ULK4: variants seen among roughly 807,000 people sequenced by gnomAD.
ULK4 encodes unc-51 like kinase 4.
In ULK4, 133 loss-of-function variants were observed where a neutral mutation model predicts 160.6. The observed-to-expected ratio is 0.83, with a 90% CI of 0.72 to 0.96. ULK4 has a LOEUF of 0.96. Among genes scored for constraint, ULK4 ranks in the 40% least tolerant of loss-of-function variants. ULK4 has a pLI of 0.00. For missense variants in ULK4, 1,580 were observed against 1,499.5 expected (o/e 1.05, Z -0.89); for synonymous variants, 534 against 539.8 (o/e 0.99, Z 0.15).
At chr3:41,953,577 T>C (rs935847458) in intron 2 of ULK4, among the ~76,000 whole-genome samples, 13 of 151,654 alleles carry the variant, frequency 8.6e-5, no homozygotes, top group African/African-American at 2.9e-4. Flanking sequence ...CTTAAAAATA[T>C]ATATATTTTT....
intron 34 of ULK4, among the ~76,000 whole-genome samples, chr3:41,447,015 T>C (rs572094657): frequency 1.4e-3 from 168 of 120,090 alleles, no homozygotes; most frequent in Middle Eastern, 6.6e-3. Flanking sequence ...ACCCGGGAGG[T>C]GGAGGTTGCA....
intron 32 of ULK4, among the ~76,000 whole-genome samples, chr3:41,499,061 G>A (rs549377203): frequency 1.3e-5 from 2 of 152,182 alleles, no homozygotes; most frequent in South Asian, 2.1e-4. Context: ...AGTGAAAAAA[G>A]GCCAGATGCA....
At chr3:41,626,876 TGG>T (rs757593049) in intron 30 of ULK4, among the ~76,000 whole-genome samples, 1 of 152,148 alleles carries the variant, frequency 6.6e-6, no homozygotes, top group Non-Finnish European at 1.5e-5. Flanking sequence ...CTATGGAATA[TGG>T]TGGCCTTGGT....
At chr3:41,914,477 A>C (rs1698902091) in intron 8 of ULK4, among the ~76,000 whole-genome samples, 1 of 152,234 alleles carries the variant, frequency 6.6e-6, no homozygotes, top group Non-Finnish European at 1.5e-5. Context: ...CTGGGAGTGT[A>C]AATCAGCACA....
intron 21 of ULK4, among the ~76,000 whole-genome samples, chr3:41,782,337 C>G (rs192760957): frequency 4.6e-5 from 7 of 152,246 alleles, no homozygotes; most frequent in Admixed American, 2.0e-4. Flanking sequence ...TCACCTTCTA[C>G]CAGACACTCT....
chr3:41,873,106 C>A (rs1478466965), intron 17 of ULK4, among the ~76,000 whole-genome samples: 1 of 152,124 alleles, frequency 6.6e-6, no homozygotes, highest in Non-Finnish European at 1.5e-5. Flanking sequence ...GAGCCAAGAT[C>A]ACGCCACTGC....
intron 35 of ULK4, among the ~76,000 whole-genome samples, chr3:41,351,892 T>A (rs73831335): frequency 0.048 from 7,352 of 152,272 alleles, 423 homozygotes; most frequent in East Asian, 0.19. Flanking sequence ...TGCATTCTCA[T>A]CAGGGTGATA....
chr3:41,922,165 TAAAAATAAAATAAGAAAGCTGA>T, intron 5 of ULK4, among the ~76,000 whole-genome samples: 1 of 151,848 alleles, frequency 6.6e-6, no homozygotes, highest in African/African-American at 2.4e-5. Flanking sequence ...ATAAAATAGT[TAAAAATAAAATAAGAAAGCTGA>T]AAAAATAAAA....
chr3:41,696,921 C>A (rs903905803), intron 27 of ULK4, among the ~76,000 whole-genome samples: 2 of 152,088 alleles, frequency 1.3e-5, no homozygotes, highest in Admixed American at 6.6e-5. Flanking sequence ...TAAGGGGCCA[C>A]AAGCCTAAGA....
chr3:41,467,769 C>G (rs956855127), intron 32 of ULK4, among the ~76,000 whole-genome samples: 3 of 152,108 alleles, frequency 2.0e-5, no homozygotes, highest in East Asian at 1.9e-4. Context: ...GAAAACTTGT[C>G]TCTATTGATT....
intron 22 of ULK4, among the ~76,000 whole-genome samples, chr3:41,738,595 T>G (rs1045732784): frequency 6.6e-6 from 1 of 151,850 alleles, no homozygotes. Context: ...GTAAGATACA[T>G]GAGAGAGCAA....
chr3:41,459,806 T>C (rs1184786507), intron 33 of ULK4, among the ~76,000 whole-genome samples: 1 of 152,064 alleles, frequency 6.6e-6, no homozygotes, highest in African/African-American at 2.4e-5. Flanking sequence ...ACTGTCTGAT[T>C]GGGGTATGGG....
At chr3:41,959,099 T>C (rs9872823) in intron 1 of ULK4, among the ~76,000 whole-genome samples, 144,204 of 152,186 alleles carry the variant, frequency 0.95, 68,796 homozygotes, top group East Asian at 1. Context: ...TGCAGTGGCT[T>C]ACGCCTGTAA....
In ULK4 at chr3:41,896,957, CAA is replaced by C. The variant is rs764206432; in HGVS notation, c.1393_1394del (p.Leu465AlafsTer11). The C allele has an allele frequency of 1.2e-6, 2 of 1,611,782 alleles. No individual in the cohort carries two copies. Among genetic ancestry groups the C allele is most frequent in the Non-Finnish European group, 1.7e-6 (2 of 1,179,456 alleles). ...FLKDQDWNDFLQQVCSQIDST... is the reference protein window; with the variant it reads ...FLKDQDWNDFXQQVCSQIDST... ...AGTCGATCTGCGAGCACACTTGTTGCAAAAAGTCATTCCAATCTTGATCTTTC... is the reference window on the plus strand; with the variant it reads ...AGTCGATCTGCGAGCACACTTGTTGCAAAGTCATTCCAATCTTGATCTTTC... On this transcript the variant is annotated frameshift_variant, in exon 15 of 37. Transcript: ENST00000301831. LOFTEE classifies it high-confidence loss of function.
intron 2 of ULK4, among the ~76,000 whole-genome samples, chr3:41,951,585 T>C (rs951832113): frequency 1.3e-5 from 2 of 152,172 alleles, no homozygotes; most frequent in Non-Finnish European, 2.9e-5. Flanking sequence ...TCCAAAACTA[T>C]TCAATGAGGA....
intron 32 of ULK4, among the ~76,000 whole-genome samples, chr3:41,464,681 C>CAAG (rs1391290446): frequency 6.6e-6 from 1 of 152,154 alleles, no homozygotes; most frequent in African/African-American, 2.4e-5. Flanking sequence ...ACATACGCTG[C>CAAG]AAGACAACAG....
In ULK4 at chr3:41,617,197, G is replaced by A. The variant is rs1489753546; in HGVS notation, c.3072-1480C>T. Among the ~76,000 whole-genome samples the A allele has an allele frequency of 7.2e-5, 11 of 152,312 alleles. No homozygotes were observed. In the East Asian group the frequency reaches 2.1e-3, roughly 29 times the overall value. On this transcript the variant is annotated intron_variant, in intron 30 of 36. Coordinates refer to ENST00000301831, the MANE Select transcript of ULK4 (RefSeq NM_017886.4). ...AGATTCAGCAGATTTCATTGTTCCTGCCTGCCAGCTCTGAAGAGAACAGCT... is the reference window on the plus strand; with the variant it reads ...AGATTCAGCAGATTTCATTGTTCCTACCTGCCAGCTCTGAAGAGAACAGCT...
intron 32 of ULK4, among the ~76,000 whole-genome samples, chr3:41,552,444 T>G (rs916913045): frequency 1.3e-5 from 2 of 151,924 alleles, no homozygotes; most frequent in African/African-American, 4.8e-5. Flanking sequence ...AAATCAGTAG[T>G]CTTTTTATAC....
chr3:41,858,147 G>GTTTT (rs71288052), intron 17 of ULK4, among the ~76,000 whole-genome samples: 665 of 91,872 alleles, frequency 7.2e-3, no homozygotes, highest in East Asian at 0.011. Context: ...TTTTTTGTTT[G>GTTTT]TTTTTTTTTT....
Sources: gnomAD v4.1 joint callset for allele counts (sites outside exome capture counted in the v4.1 genomes callset) on GRCh38, gnomAD v4.1.1 for gene constraint, MANE v1.5 for transcripts, NCBI Gene and HGNC (gene_info 2026-07-23, HGNC 2026-07-21) for gene names.